The following NCKAP1 variants were observed in gnomAD, a reference collection of about 807,000 sequenced individuals.
NCKAP1 encodes NCK associated protein 1.
A neutral mutation model predicts 151.2 loss-of-function variants in NCKAP1; 21 were observed. The ratio of observed to expected loss-of-function variants is 0.14; its 90% confidence interval spans 0.10 to 0.20. NCKAP1 has a LOEUF of 0.20. NCKAP1 is among the 10% of genes least tolerant of loss of function. The probability of loss-of-function intolerance (pLI) is 1.00; values close to 1 mark genes in which losing one functional copy is unlikely to be tolerated. For missense variants in NCKAP1, 933 were observed against 1,352.1 expected, an observed-to-expected ratio of 0.69 and a Z score of 4.86; for synonymous variants, 484 against 451.8, an observed-to-expected ratio of 1.07 and a Z score of -0.90.
At chr2:182,986,080 G>C (rs1271583850) in intron 10 of NCKAP1, 91 bp downstream of exon 10, 6 of 1,161,290 alleles carry the variant, frequency 5.2e-6, no homozygotes, top group Non-Finnish European at 7.6e-6. Context: ...ACCATATCTT[G>C]CATACTATTA....
At chr2:182,954,755 C>T (rs1053251663) in intron 20 of NCKAP1, among the ~76,000 whole-genome samples, 1 of 151,970 alleles carries the variant, frequency 6.6e-6, no homozygotes, top group Non-Finnish European at 1.5e-5. Context: ...CACTGCACTC[C>T]AGCCTGGACG....
rs1057232775 is a variant in NCKAP1 at position 183,038,242 on chromosome 2, C to T, written c.-143G>A. ...GAGCGCGCCCATGGCCCTCGCGCCC[C>T]AATCCCGCGCCGGCGACAGAGCGAG... On this transcript the variant is annotated 5_prime_UTR_variant, in exon 1 of 31. Transcript: ENST00000361354. 6 of 483,836 alleles carry T rather than the reference C, an allele frequency of 1.2e-5. No homozygotes were observed. The highest frequency in any genetic ancestry group is 4.2e-5 in the South Asian group (1 of 23,954). 30.0% of individuals were successfully genotyped at this position (483,836 alleles called of 1,614,324 possible). A position where few individuals can be genotyped will look rare whatever the true frequency, so the allele number is the denominator to read the frequency against.
chr2:182,998,135 C>T (rs1446045463), intron 6 of NCKAP1, among the ~76,000 whole-genome samples: 11 of 152,112 alleles, frequency 7.2e-5, no homozygotes, highest in African/African-American at 1.7e-4. Context: ...TATCCCTTCA[C>T]GATAAAATGT....
rs768508454 is a variant in NCKAP1 at position 182,967,233 on chromosome 2, T to C, written c.1611A>G (p.Ser537=). 1 of 1,609,684 alleles carries C rather than the reference T, an allele frequency of 6.2e-7. No individual in the cohort carries two copies. Among genetic ancestry groups the C allele is most frequent in the African/African-American group, 1.3e-5 (1 of 74,688 alleles). The change falls in exon 16 of 31, where the codon TCA becomes TCG. Residue 537 remains serine, a synonymous_variant. Transcript: ENST00000361354. ...CAACATACCAAAATATGGAGAGATC[T>C]GATGTTTCCACCAACATTTCCACCA... ...DSLVEMLVET[S]DLSIFCFYSR...
intron 8 of NCKAP1, among the ~76,000 whole-genome samples, chr2:182,989,899 A>C (rs917794207): frequency 1.3e-5 from 2 of 151,942 alleles, no homozygotes; most frequent in Non-Finnish European, 2.9e-5. Context: ...CTGAGGCAGG[A>C]AAGTCGCTTG....
At chr2:182,926,975 G>C (rs1696661248) in intron 29 of NCKAP1, 70 bp from the exon 30 acceptor site, 1 of 1,023,212 alleles carries the variant, frequency 9.8e-7, no homozygotes, top group African/African-American at 1.6e-5. Flanking sequence ...TTTTAGGTAT[G>C]TTTCAACTTC....
Position 182,913,968 on chromosome 2 carries a change from A to T in NCKAP1, c.*11734T>A, listed in dbSNP as rs551590303. The T allele has an allele frequency of 6.6e-6, 1 of 152,390 alleles. No homozygotes were observed. Among genetic ancestry groups the T allele is most frequent in the African/African-American group, 2.4e-5 (1 of 41,566 alleles). 9.4% of individuals were successfully genotyped at this position (152,390 alleles called of 1,614,324 possible). ...TCAGCCTCTTGGTTCTAACTTAGTGAGAAAACTCTGATAAGAACCCACCAT... is the reference window on the plus strand; with the variant it reads ...TCAGCCTCTTGGTTCTAACTTAGTGTGAAAACTCTGATAAGAACCCACCAT... On this transcript the variant is annotated 3_prime_UTR_variant, in exon 31 of 31. Coordinates refer to ENST00000361354, the MANE Select transcript of NCKAP1 (RefSeq NM_013436.5).
chr2:182,928,498 C>T (rs1340233798), intron 28 of NCKAP1, among the ~76,000 whole-genome samples: 1 of 151,920 alleles, frequency 6.6e-6, no homozygotes, highest in Non-Finnish European at 1.5e-5. Context: ...TATAGTAGCT[C>T]GGAAATAAAA....
intron 12 of NCKAP1, 106 bp from the exon 13 acceptor site, chr2:182,981,482 G>C (rs532219308): frequency 1.2e-6 from 1 of 859,126 alleles, no homozygotes; most frequent in Non-Finnish European, 1.8e-6. Flanking sequence ...TCTTATAAAG[G>C]GCATTGTTTA....
intron 24 of NCKAP1, among the ~76,000 whole-genome samples, chr2:182,936,870 G>A (rs1425216613): frequency 6.6e-6 from 1 of 151,826 alleles, no homozygotes; most frequent in Admixed American, 6.6e-5. Flanking sequence ...ATGAGACTAG[G>A]TTGGGTGGCT....
intron 1 of NCKAP1, among the ~76,000 whole-genome samples, chr2:183,035,006 C>T (rs1378950118): frequency 6.6e-6 from 1 of 152,108 alleles, no homozygotes; most frequent in African/African-American, 2.4e-5. Context: ...AATCCCACCA[C>T]CACACAAGTT....
rs1484057769 is a variant in NCKAP1 at position 182,924,752 on chromosome 2, T to C, written c.*950A>G. The C allele has an allele frequency of 2.0e-5, 3 of 152,160 alleles. No homozygotes were observed. Among genetic ancestry groups the C allele is most frequent in the Non-Finnish European group, 4.4e-5 (3 of 68,000 alleles). The allele number at this position is 152,160 out of a possible 1,614,324, so 9.4% of individuals were successfully genotyped here. A position where few individuals can be genotyped will look rare whatever the true frequency, so the allele number is the denominator to read the frequency against. On this transcript the variant is annotated 3_prime_UTR_variant, in exon 31 of 31. Coordinates refer to ENST00000361354, the MANE Select transcript of NCKAP1 (RefSeq NM_013436.5). Reference sequence around the variant, plus strand: ...TTTTAAAACATTTAAACAAATCATATAATAGCTGACCTGGTATCGAATGCT... The same window carrying C: ...TTTTAAAACATTTAAACAAATCATACAATAGCTGACCTGGTATCGAATGCT...
In NCKAP1 at chr2:182,916,625, C is replaced by A. The variant is rs180940119; in HGVS notation, c.*9077G>T. On this transcript the variant is annotated 3_prime_UTR_variant, in exon 31 of 31. Coordinates refer to ENST00000361354, the MANE Select transcript of NCKAP1 (RefSeq NM_013436.5). ...TGTTTACATTATGTTCAGGAGTTTGCCAGCCAGAATAAGAGAACATTCCAT... is the reference window on the plus strand; with the variant it reads ...TGTTTACATTATGTTCAGGAGTTTGACAGCCAGAATAAGAGAACATTCCAT... The A allele has an allele frequency of 6.6e-6, 1 of 152,224 alleles. No individual in the cohort carries two copies. Among genetic ancestry groups the A allele is most frequent in the East Asian group, 1.9e-4 (1 of 5,178 alleles). The allele number at this position is 152,224 out of a possible 1,614,324, so 9.4% of individuals were successfully genotyped here. A position where few individuals can be genotyped will look rare whatever the true frequency, so the allele number is the denominator to read the frequency against.
intron 9 of NCKAP1, among the ~76,000 whole-genome samples, chr2:182,987,505 T>C (rs1698081400): frequency 6.6e-6 from 1 of 152,312 alleles, no homozygotes; most frequent in Admixed American, 6.5e-5. Context: ...TCTCAAATGA[T>C]AAATTTATTA....
intron 15 of NCKAP1, among the ~76,000 whole-genome samples, chr2:182,975,571 T>C (rs1416708114): frequency 2.0e-5 from 3 of 152,206 alleles, no homozygotes; most frequent in Non-Finnish European, 4.4e-5. Flanking sequence ...TTATATTTTC[T>C]CTTTTTAATT....
chr2:182,992,004 C>T (rs546991548), intron 8 of NCKAP1, among the ~76,000 whole-genome samples: 3 of 152,272 alleles, frequency 2.0e-5, no homozygotes, highest in South Asian at 2.1e-4. Context: ...TTAGCTTGCA[C>T]CAGAATCACT....
intron 18 of NCKAP1, 74 bp from the exon 19 acceptor site, chr2:182,957,670 GT>G (rs1466519509): frequency 9.7e-6 from 14 of 1,450,230 alleles, no homozygotes; most frequent in Non-Finnish European, 9.4e-6. Flanking sequence ...CAAGCAAACA[GT>G]AGCTGAATCC....
Position 182,919,752 on chromosome 2 carries a change from A to G in NCKAP1, c.*5950T>C, listed in dbSNP as rs1696521342. 1 of 151,800 alleles carries G rather than the reference A, an allele frequency of 6.6e-6. No homozygotes were observed. The highest frequency in any genetic ancestry group is 1.5e-5 in the Non-Finnish European group (1 of 68,032). 9.4% of individuals were successfully genotyped at this position (151,800 alleles called of 1,614,324 possible). ...CTGCAATCTCCGCCTCCTGGGTTCA[A>G]GCGATTCTCCCGCCTCAGCCTCCTG... On this transcript the variant is annotated 3_prime_UTR_variant, in exon 31 of 31. Coordinates refer to ENST00000361354, the MANE Select transcript of NCKAP1 (RefSeq NM_013436.5).
At chr2:183,021,273 T>C (rs566128585) in intron 2 of NCKAP1, among the ~76,000 whole-genome samples, 10 of 152,226 alleles carry the variant, frequency 6.6e-5, no homozygotes, top group African/African-American at 2.4e-4. Flanking sequence ...TAAAATGTGG[T>C]ATATCCACAC....
Sources: allele counts gnomAD v4.1 joint callset (sites outside exome capture counted in the v4.1 genomes callset), GRCh38; gene constraint gnomAD v4.1.1; transcripts MANE v1.5; gene names NCBI Gene and HGNC (gene_info 2026-07-23, HGNC 2026-07-21).